BTNL8: variants seen among roughly 807,000 people sequenced by gnomAD.
The protein encoded by BTNL8 is butyrophilin-like protein 8.
In BTNL8, 22 loss-of-function variants were observed where a neutral mutation model predicts 36.1. The ratio of observed to expected loss-of-function variants is 0.61; its 90% confidence interval spans 0.44 to 0.87. The LOEUF (loss-of-function observed/expected upper bound fraction) is 0.87. Among genes scored for constraint, BTNL8 ranks in the 40% least tolerant of loss-of-function variants. The pLI, the probability that BTNL8 is intolerant of heterozygous loss-of-function variation, is 0.00. For synonymous variants in BTNL8, 203 were observed against 235.6 expected, an observed-to-expected ratio of 0.86 and a Z score of 1.27; for missense variants, 526 against 616.9, an observed-to-expected ratio of 0.85 and a Z score of 1.56.
At chr5:180,916,163 C>T (rs2113794915) in intron 3 of BTNL8, among the ~76,000 whole-genome samples, 1 of 152,296 alleles carries the variant, frequency 6.6e-6, no homozygotes, top group East Asian at 1.9e-4. Flanking sequence ...GGCATTAATC[C>T]ACTCACGAGG....
intron 3 of BTNL8, among the ~76,000 whole-genome samples, chr5:180,924,722 G>A (rs573759767): frequency 6.6e-6 from 1 of 152,288 alleles, no homozygotes; most frequent in South Asian, 2.1e-4. Context: ...TTCTTCAAAT[G>A]TGCAGGCACC....
rs145199317 is a variant in BTNL8, at chr5:180,908,720, A to G, written c.184A>G (p.Ser62Gly). ...GCGGTTCTTCAGGGGCCAGTTCTCT[A>G]GCGTGGTCCACCTCTACAGGGACGG... is the stretch of plus-strand genomic sequence containing the variant. ...EVRFFRGQFSSVVHLYRDGKD... is the reference protein window; with the variant it reads ...EVRFFRGQFSGVVHLYRDGKD... The change falls in exon 2 of 8, where the codon AGC (serine) becomes GGC (glycine). Residue 62 changes from serine to glycine, a missense_variant. Around this residue, in one of 2 missense-constraint regions of BTNL8, gnomAD observed 350 missense variants for 324.6 expected, o/e 1.08. Coordinates refer to ENST00000340184, the MANE Select transcript of BTNL8 (RefSeq NM_001040462.3). 10,101 of 1,614,202 alleles carry G rather than the reference A, an allele frequency of 6.3e-3. 47 individuals carry two copies. The highest frequency in any genetic ancestry group is 8.6e-3 in the Middle Eastern group (52 of 6,062).
intron 3 of BTNL8, among the ~76,000 whole-genome samples, chr5:180,946,633 G>T (rs1759262189): frequency 6.6e-6 from 1 of 152,204 alleles, no homozygotes. Flanking sequence ...ATGGGGAGTT[G>T]TTGGTCAAAG....
chr5:180,918,137 G>T (rs1048305891), intron 3 of BTNL8, among the ~76,000 whole-genome samples: 1 of 151,380 alleles, frequency 6.6e-6, no homozygotes, highest in South Asian at 2.1e-4. Flanking sequence ...ATTTTATGAG[G>T]CCACAGTTAC....
intron 3 of BTNL8, among the ~76,000 whole-genome samples, chr5:180,930,884 G>A (rs139850337): frequency 0.016 from 2,444 of 152,210 alleles, 73 homozygotes; most frequent in African/African-American, 0.055. Context: ...TGGCCATACT[G>A]CCCAAGGTAA....
chr5:180,916,335 C>T (rs1411708824), intron 3 of BTNL8, among the ~76,000 whole-genome samples: 1 of 151,892 alleles, frequency 6.6e-6, no homozygotes, highest in African/African-American at 2.4e-5. Flanking sequence ...GTAGCAAAAC[C>T]AGTTCTAAAA....
intron 3 of BTNL8, among the ~76,000 whole-genome samples, chr5:180,915,937 T>G (rs539276737): frequency 2.0e-5 from 3 of 152,288 alleles, no homozygotes; most frequent in Non-Finnish European, 4.4e-5. Context: ...ATATACCCAG[T>G]GGTTGTCTTA....
chr5:180,931,635 G>A lies in BTNL8; in HGVS notation c.674-15877G>A, dbSNP rs181366924. On this transcript the variant is annotated intron_variant, in intron 3 of 7. Transcript: ENST00000340184. ...AAGAAAAAAAACAAACAATGCCATCGAAAAGTGGGGGAAGGATATGAACAG... is the reference window on the plus strand; with the variant it reads ...AAGAAAAAAAACAAACAATGCCATCAAAAAGTGGGGGAAGGATATGAACAG... 2.1e-3 allele frequency among the ~76,000 whole-genome samples: 314 copies of A among 152,100 alleles called. 3 individuals carry two copies. Among genetic ancestry groups the A allele is most frequent in the African/African-American group, 7.3e-3 (302 of 41,484 alleles).
chr5:180,939,132 C>G lies in BTNL8; in HGVS notation c.674-8380C>G, dbSNP rs554778658. Reference sequence around the variant, plus strand: ...AAATGATAAGAGAGGAAGAATCAAACTTGGATATACAAAATAATGAACAAA... The same window carrying G: ...AAATGATAAGAGAGGAAGAATCAAAGTTGGATATACAAAATAATGAACAAA... On this transcript the variant is annotated intron_variant, in intron 3 of 7. Transcript: ENST00000340184. Among the ~76,000 whole-genome samples the G allele has an allele frequency of 2.6e-5, 4 of 152,192 alleles. No homozygotes were observed. The South Asian group carries it at 8.3e-4, about 32-fold the overall frequency.
At chr5:180,922,222 A>G (rs1460698919) in intron 3 of BTNL8, among the ~76,000 whole-genome samples, 8 of 151,768 alleles carry the variant, frequency 5.3e-5, no homozygotes, top group African/African-American at 9.7e-5. Flanking sequence ...GTTATGTCTT[A>G]TCTTCTGCTA....
chr5:180,923,878 G>A (rs986091824), intron 3 of BTNL8, among the ~76,000 whole-genome samples: 13 of 152,100 alleles, frequency 8.5e-5, no homozygotes, highest in African/African-American at 3.1e-4. Context: ...AATATGCCAT[G>A]TATAATAACA....
intron 3 of BTNL8, among the ~76,000 whole-genome samples, chr5:180,932,909 A>G (rs1205900804): frequency 6.6e-6 from 1 of 152,094 alleles, no homozygotes; most frequent in African/African-American, 2.4e-5. Flanking sequence ...AAAATCAACC[A>G]TATACTACTG....
At chr5:180,916,306 A>G (rs1239304676) in intron 3 of BTNL8, among the ~76,000 whole-genome samples, 1 of 152,220 alleles carries the variant, frequency 6.6e-6, no homozygotes, top group Non-Finnish European at 1.5e-5. Context: ...TTTTTAAACA[A>G]TAGCGAAATC....
At chr5:180,933,093 T>C (rs1582048064) in intron 3 of BTNL8, among the ~76,000 whole-genome samples, 1 of 151,246 alleles carries the variant, frequency 6.6e-6, no homozygotes, top group East Asian at 1.9e-4. Flanking sequence ...AAGGTCATTA[T>C]GTAATAATAG....
intron 3 of BTNL8, among the ~76,000 whole-genome samples, chr5:180,913,004 C>T (rs1757474956): frequency 6.6e-6 from 1 of 152,034 alleles, no homozygotes; most frequent in Non-Finnish European, 1.5e-5. Context: ...TTTCTGTAGC[C>T]ACAGGGCTAA....
chr5:180,940,450 A>G (rs1758872528), intron 3 of BTNL8, among the ~76,000 whole-genome samples: 1 of 152,162 alleles, frequency 6.6e-6, no homozygotes, highest in Non-Finnish European at 1.5e-5. Flanking sequence ...TAAAAAGTAT[A>G]AATATTTCAA....
At chr5:180,907,804 G>A (rs1167288234) in intron 1 of BTNL8, among the ~76,000 whole-genome samples, 7 of 151,626 alleles carry the variant, frequency 4.6e-5, no homozygotes, top group Non-Finnish European at 1.0e-4. Flanking sequence ...TGCCCCTGCT[G>A]GGGGGTGCCT....
In BTNL8 at chr5:180,947,540, C is replaced by T; in HGVS notation, c.702C>T (p.His234=). Residue 234 remains histidine, a synonymous_variant, in exon 4 of 8, where the codon CAC becomes CAT. Coordinates refer to ENST00000340184, the MANE Select transcript of BTNL8 (RefSeq NM_001040462.3). ...CCTTTTTCGAGCCTATATCGTGGCA[C>T]CTGGCTACCAAAGTACTGGGAATAC... is the stretch of plus-strand genomic sequence containing the variant. ...GDTFFEPISW[H]LATKVLGILC... The T allele has an allele frequency of 6.2e-7, 1 of 1,613,926 alleles. No individual in the cohort carries two copies. Among genetic ancestry groups the T allele is most frequent in the South Asian group, 1.1e-5 (1 of 91,082 alleles).
Position 180,909,080 on chromosome 5 carries a change from A to G in BTNL8, c.397+147A>G, listed in dbSNP as rs182458163. Reference sequence around the variant, plus strand: ...TCTACGTTCCTTCTGTCTTGTGTGTATAGTTCTATGTGTTTTGTCACATGT... The same window carrying G: ...TCTACGTTCCTTCTGTCTTGTGTGTGTAGTTCTATGTGTTTTGTCACATGT... On this transcript the variant is annotated intron_variant, in intron 2 of 7. Coordinates refer to ENST00000340184, the MANE Select transcript of BTNL8 (RefSeq NM_001040462.3). 1.0e-4 allele frequency: 83 copies of G among 822,956 alleles called. 1 individual carries two copies. The highest frequency in any genetic ancestry group is 9.5e-4 in the East Asian group (38 of 40,014). 51.0% of individuals were successfully genotyped at this position (822,956 alleles called of 1,614,324 possible).
Sources: gnomAD v4.1 joint callset for allele counts (sites outside exome capture counted in the v4.1 genomes callset) on GRCh38, gnomAD v4.1.1 for gene constraint, gnomAD v4.1.1 regional missense constraint, MANE v1.5 for transcripts, NCBI Gene and HGNC (gene_info 2026-07-23, HGNC 2026-07-21) for gene names.